The following SOX5 variants were observed in gnomAD, a reference collection of about 807,000 sequenced individuals.
SOX5 encodes the protein transcription factor SOX-5.
SOX5 carries 9 observed loss-of-function variants against 92.0 expected under a neutral mutation model. The observed-to-expected ratio is 0.10, with a 90% CI of 0.06 to 0.17. The LOEUF is 0.17. SOX5 is among the 10% of genes least tolerant of loss of function. The pLI is 1.00. For synonymous variants in SOX5, 344 were observed against 336.3 expected (o/e 1.02, Z -0.25); for missense variants, 642 against 944.5 (o/e 0.68, Z 4.20).
At chr12:23,879,975 T>C (rs1280735531) in intron 2 of SOX5, among the ~76,000 whole-genome samples, 1 of 152,150 alleles carries the variant, frequency 6.6e-6, no homozygotes, top group Non-Finnish European at 1.5e-5. Flanking sequence ...GGTGAAGATA[T>C]TTCATGATAA....
At chr12:24,188,013 C>T (rs1204793172) in intron 4 of SOX5, among the ~76,000 whole-genome samples, 1 of 152,154 alleles carries the variant, frequency 6.6e-6, no homozygotes, top group Non-Finnish European at 1.5e-5. Context: ...GATTTTTAAT[C>T]TACCAATAGT....
chr12:24,430,336 T>A (rs1354475855), intron 1 of SOX5, among the ~76,000 whole-genome samples: 2 of 152,044 alleles, frequency 1.3e-5, no homozygotes, highest in Non-Finnish European at 2.9e-5. Context: ...ATCCACACTT[T>A]CATCACCACT....
chr12:23,799,215 A>G (rs930362401), intron 3 of SOX5, among the ~76,000 whole-genome samples: 3 of 152,036 alleles, frequency 2.0e-5, no homozygotes, highest in Non-Finnish European at 4.4e-5. Flanking sequence ...TAAGCATTCT[A>G]ACTTATTCTT....
chr12:23,744,487 C>G (rs1420533461), intron 4 of SOX5, among the ~76,000 whole-genome samples: 1 of 152,126 alleles, frequency 6.6e-6, no homozygotes, highest in African/African-American at 2.4e-5. Flanking sequence ...AATCAGCATT[C>G]TAAAATATTA....
rs544659827 is a variant in SOX5 at position 24,402,490 on chromosome 12, T to A, written c.-250-33851A>T. Among the ~76,000 whole-genome samples, 18 of 152,318 alleles carry A rather than the reference T, an allele frequency of 1.2e-4. No individual in the cohort carries two copies. The South Asian group carries it at 3.1e-3, about 26-fold the overall frequency. ...CTCTTTTGTATCTTTTTCTTCTTCA[T>A]CTCTGCAGCTACTCTCTTGTTTTAA... On this transcript the variant is annotated intron_variant, in intron 1 of 4. Coordinates refer to the SOX5 transcript ENST00000446891.
chr12:23,955,992 T>C (rs1350021759), upstream of SOX5, among the ~76,000 whole-genome samples: 1 of 152,198 alleles, frequency 6.6e-6, no homozygotes, highest in Non-Finnish European at 1.5e-5. Context: ...TAAAATATTT[T>C]AGTACACAAC....
chr12:23,562,673 T>C (rs939207447), intron 11 of SOX5, among the ~76,000 whole-genome samples: 6 of 152,122 alleles, frequency 3.9e-5, no homozygotes, highest in Non-Finnish European at 8.8e-5. Flanking sequence ...CTTGAAATCA[T>C]TGTCTCTCAG....
rs1170749710 is a variant in SOX5 at position 23,904,854 on chromosome 12, T to C, written c.39-8830A>G. On this transcript the variant is annotated intron_variant, in intron 1 of 14. Transcript: ENST00000451604. ...TTTCACTTCTTCACCACCTTTTTGC[T>C]CTTCTCTTTGCTAGCATCACTACTT... Among the ~76,000 whole-genome samples the C allele has an allele frequency of 2.6e-5, 4 of 152,196 alleles. No homozygotes were observed. The East Asian group carries it at 7.7e-4, about 29-fold the overall frequency.
intron 6 of SOX5, among the ~76,000 whole-genome samples, chr12:23,713,528 T>C (rs1280631741): frequency 6.6e-6 from 1 of 151,990 alleles, no homozygotes; most frequent in African/African-American, 2.4e-5. Context: ...AATTCAGCCC[T>C]AGGGAATTTG....
At chr12:24,175,605 CAT>C in intron 4 of SOX5, among the ~76,000 whole-genome samples, 1 of 152,128 alleles carries the variant, frequency 6.6e-6, no homozygotes, top group Non-Finnish European at 1.5e-5. Context: ...TCATCTATGT[CAT>C]ATATATTTTA....
At chr12:24,079,873 TAAACA>T (rs1189794813) in intron 4 of SOX5, among the ~76,000 whole-genome samples, 4 of 152,080 alleles carry the variant, frequency 2.6e-5, no homozygotes, top group Admixed American at 2.0e-4. Context: ...AATAAGTGAT[TAAACA>T]AGTGTAGCAC....
intron 4 of SOX5, among the ~76,000 whole-genome samples, chr12:24,150,524 T>C (rs889694039): frequency 2.6e-5 from 4 of 152,068 alleles, no homozygotes; most frequent in Non-Finnish European, 4.4e-5. Flanking sequence ...GTCAAAGCCA[T>C]TGACCTGAAT....
chr12:24,471,512 T>C (rs1015166055), intron 1 of SOX5, among the ~76,000 whole-genome samples: 2 of 152,176 alleles, frequency 1.3e-5, no homozygotes, highest in Admixed American at 1.3e-4. Context: ...TAAAGATGTA[T>C]GAGATTAAGT....
At chr12:24,121,031 A>C (rs1284581758) in intron 4 of SOX5, among the ~76,000 whole-genome samples, 2 of 152,210 alleles carry the variant, frequency 1.3e-5, no homozygotes, top group African/African-American at 4.8e-5. Flanking sequence ...AAACAGCACC[A>C]ACTAGGCACA....
intron 4 of SOX5, among the ~76,000 whole-genome samples, chr12:24,069,003 A>G (rs924408860): frequency 3.3e-5 from 5 of 151,220 alleles, no homozygotes; most frequent in Admixed American, 2.6e-4. Context: ...AAAAAAAAAA[A>G]GTTGAAAATT....
intron 10 of SOX5, among the ~76,000 whole-genome samples, chr12:23,572,094 T>A (rs1249745672): frequency 6.6e-6 from 1 of 152,200 alleles, no homozygotes; most frequent in Non-Finnish European, 1.5e-5. Flanking sequence ...ATCATTTGCG[T>A]ACCATATCAA....
intron 9 of SOX5, chr12:23,582,257 C>A: frequency 1.0e-6 from 1 of 985,048 alleles, no homozygotes; most frequent in Non-Finnish European, 1.2e-6. Context: ...CCAAATAAGG[C>A]ATTTCTTCAC....
At chr12:24,506,847 G>A (rs1031837483) in intron 1 of SOX5, among the ~76,000 whole-genome samples, 1 of 136,570 alleles carries the variant, frequency 7.3e-6, no homozygotes, top group African/African-American at 2.8e-5. Context: ...CTGGAGTGCA[G>A]TGGCGCGATC....
rs116788970 is a variant in SOX5 at position 24,153,533 on chromosome 12, A to G, written c.-2+59810T>C. Reference sequence around the variant, plus strand: ...AACGCCAGGATATTGGAAGTAGTAAACTTATCCTAGCCATGACCTACCCTA... The same window carrying G: ...AACGCCAGGATATTGGAAGTAGTAAGCTTATCCTAGCCATGACCTACCCTA... On this transcript the variant is annotated intron_variant, in intron 4 of 4. Transcript: ENST00000446891. 5.1e-3 allele frequency among the ~76,000 whole-genome samples: 771 copies of G among 152,208 alleles called. 8 individuals carry two copies. The highest frequency in any genetic ancestry group is 0.018 in the African/African-American group (730 of 41,534).
Sources: gnomAD v4.1 joint callset for allele counts (sites outside exome capture counted in the v4.1 genomes callset) on GRCh38, gnomAD v4.1.1 for gene constraint, MANE v1.5 for transcripts, NCBI Gene and HGNC (gene_info 2026-07-23, HGNC 2026-07-21) for gene names.